The following ADAMTS5 variants were observed in gnomAD, a reference collection of about 807,000 sequenced individuals.
ADAMTS5 encodes A disintegrin and metalloproteinase with thrombospondin motifs 5.
A neutral mutation model predicts 81.4 loss-of-function variants in ADAMTS5; 54 were observed. That is an observed-to-expected ratio of 0.66 (90% CI 0.53 to 0.83). ADAMTS5 has a LOEUF of 0.83. Ranked by LOEUF, ADAMTS5 falls within the 40% of genes least tolerant of loss-of-function variation. The probability of loss-of-function intolerance (pLI) is 0.00; values close to 1 mark genes in which losing one functional copy is unlikely to be tolerated. For synonymous variants in ADAMTS5, 532 were observed against 508.8 expected (o/e 1.05, Z -0.61); for missense variants, 1,194 against 1,229.9 (o/e 0.97, Z 0.44).
chr21:26,932,311 C>A, intron 5 of ADAMTS5, 132 bp from the exon 6 acceptor site: 1 of 864,084 alleles, frequency 1.2e-6, no homozygotes, highest in Non-Finnish European at 1.7e-6. Flanking sequence ...CTTTACTCAC[C>A]AATGCTGATG....
In ADAMTS5 at chr21:26,954,817, T is replaced by G. The variant is rs1987391512; in HGVS notation, c.1159A>C (p.Ile387Leu). The change falls in exon 2 of 8, where the codon ATA becomes CTA. Residue 387 changes from isoleucine to leucine, a missense_variant. Coordinates refer to ENST00000284987, the MANE Select transcript of ADAMTS5 (RefSeq NM_007038.5). ...GCACAGCTGCGCTCTGGAGAACATA[T>G]GGTCCCAACGTCTGCCATTCCCAGG... Reference protein sequence around the residue: ...DTLGMADVGTICSPERSCAVI... With the variant: ...DTLGMADVGTLCSPERSCAVI... 6.2e-7 allele frequency: 1 copy of G among 1,614,012 alleles called. No individual in the cohort carries two copies. The highest frequency in any genetic ancestry group is 1.1e-5 in the South Asian group (1 of 91,088).
chr21:26,927,336 G>GT (rs1288632444), intron 7 of ADAMTS5, among the ~76,000 whole-genome samples: 1 of 152,202 alleles, frequency 6.6e-6, no homozygotes, highest in African/African-American at 2.4e-5. Flanking sequence ...ACGGAGTAAG[G>GT]TAAGAAGTTG....
Position 26,923,957 on chromosome 21 carries a change from A to G in ADAMTS5, c.*96T>C. On this transcript the variant is annotated 3_prime_UTR_variant, in exon 8 of 8. Coordinates refer to ENST00000284987, the MANE Select transcript of ADAMTS5 (RefSeq NM_007038.5). The stretch of plus-strand genomic sequence containing the variant: ...CTCCTGTTGACAATGTCACTGAAGC[A>G]TGACTTTCTGTGCGTTAGGTAGACC... The G allele has an allele frequency of 7.7e-7, 1 of 1,291,424 alleles. No individual in the cohort carries two copies. Among genetic ancestry groups the G allele is most frequent in the African/African-American group, 1.5e-5 (1 of 67,488 alleles). The allele number at this position is 1,291,424 out of a possible 1,614,324, so 80.0% of individuals were successfully genotyped here.
At chr21:26,943,594 T>C in intron 2 of ADAMTS5, 47 bp from the exon 3 acceptor site, 1 of 1,550,546 alleles carries the variant, frequency 6.4e-7, no homozygotes, top group East Asian at 2.3e-5. Flanking sequence ...GATTGTGTAT[T>C]TCTATCTTTC....
chr21:26,932,710 C>T, intron 5 of ADAMTS5, 151 bp downstream of exon 5: 5 of 676,106 alleles, frequency 7.4e-6, no homozygotes, highest in Non-Finnish European at 1.1e-5. Flanking sequence ...CAAAAAAAAA[C>T]AAACACATAG....
Position 26,966,463 on chromosome 21 carries a change from C to T in ADAMTS5, c.-72G>A. ...TATTTGTTATTTGCTATGAAGTTAA[C>T]GGGGCGGGGGATGGGGACACACACA... On this transcript the variant is annotated 5_prime_UTR_variant, in exon 1 of 8. Coordinates refer to ENST00000284987, the MANE Select transcript of ADAMTS5 (RefSeq NM_007038.5). The T allele has an allele frequency of 5.9e-6, 8 of 1,349,802 alleles. 1 individual carries two copies. The South Asian group carries it at 1.1e-4, about 18-fold the overall frequency. The allele number at this position is 1,349,802 out of a possible 1,614,324, so 83.6% of individuals were successfully genotyped here.
chr21:26,965,823 A>T lies in ADAMTS5; in HGVS notation c.569T>A (p.Leu190Gln). ...GAAGCCCTCGCGGGTGTAGACGTGC[A>T]GGATCCGTGCGGACCCATCCCCGTA... is the stretch of plus-strand genomic sequence containing the variant. ...RVYGDGSARI[L>Q]HVYTREGFSF... The change falls in exon 1 of 8, where the codon CTG (leucine) becomes CAG (glutamine). Residue 190 changes from leucine to glutamine, a missense_variant. This residue lies in a region of ADAMTS5 where 498 missense variants were observed against 412.3 expected (regional missense o/e 1.21). Transcript: ENST00000284987. The T allele has an allele frequency of 6.2e-7, 1 of 1,610,670 alleles. No individual in the cohort carries two copies. The highest frequency in any genetic ancestry group is 8.5e-7 in the Non-Finnish European group (1 of 1,178,848).
intron 1 of ADAMTS5, among the ~76,000 whole-genome samples, chr21:26,957,126 G>A (rs1290939321): frequency 6.6e-6 from 1 of 152,170 alleles, no homozygotes; most frequent in Non-Finnish European, 1.5e-5. Context: ...ATGAACATCT[G>A]AATTTCTTTG....
chr21:26,955,171 A>G (rs1987400463), intron 1 of ADAMTS5, among the ~76,000 whole-genome samples: 1 of 152,220 alleles, frequency 6.6e-6, no homozygotes, highest in Non-Finnish European at 1.5e-5. Context: ...TACGTCTCTG[A>G]TCACCTTCCC....
At position 26,932,924 on chromosome 21, in the gene ADAMTS5, G is replaced by A. The variant is rs778638196; in HGVS notation, c.1810C>T (p.Arg604Cys). 6.2e-5 allele frequency: 100 copies of A among 1,613,918 alleles called. No homozygotes were observed. The highest frequency in any genetic ancestry group is 1.6e-4 in the East Asian group (7 of 44,876). Residue 604 changes from arginine (R) to cysteine (C), a missense_variant, in exon 5 of 8, where the codon CGC (arginine) becomes TGC (cysteine). Arg to Cys is a radical substitution (Grantham distance 180). This residue lies in a region of ADAMTS5 where 696 missense variants were observed against 817.6 expected (regional missense o/e 0.85). Coordinates refer to ENST00000284987, the MANE Select transcript of ADAMTS5 (RefSeq NM_007038.5). ...CNNPAPRNNGRYCTGKRAIYR... is the reference protein window; with the variant it reads ...CNNPAPRNNGCYCTGKRAIYR... ...ATGGCCCTCTTCCCTGTGCAGTAGC[G>A]TCCGTTGTTTCTGGGAGCAGGGTTA...
chr21:26,931,139 C>T (rs1327075178), intron 6 of ADAMTS5, among the ~76,000 whole-genome samples: 1 of 152,010 alleles, frequency 6.6e-6, no homozygotes, highest in African/African-American at 2.4e-5. Context: ...CTCTGCCTCC[C>T]GAGTTCAAAT....
At chr21:26,964,799 A>T (rs1476035296) in intron 1 of ADAMTS5, among the ~76,000 whole-genome samples, 1 of 152,218 alleles carries the variant, frequency 6.6e-6, no homozygotes. Context: ...GGATTCTAGT[A>T]AAAAGGTGTG....
At chr21:26,935,186 TG>T (rs1568842331) in intron 3 of ADAMTS5, among the ~76,000 whole-genome samples, 2 of 152,198 alleles carry the variant, frequency 1.3e-5, no homozygotes, top group Non-Finnish European at 2.9e-5. Context: ...GCACTCTATC[TG>T]TATAACCCAT....
rs144392987 is a variant in ADAMTS5, at chr21:26,958,899, C to A, written c.1105-4028G>T. 9.1e-4 allele frequency among the ~76,000 whole-genome samples: 138 copies of A among 152,254 alleles called. 3 individuals carry two copies. The East Asian group carries it at 0.01, about 12-fold the overall frequency. On this transcript the variant is annotated intron_variant, in intron 1 of 7. Transcript: ENST00000284987. ...CCACGGAAGTGAGTGGATCTGATAGCCTGGGAGGAAGGATACTCTGGCAAG... is the reference window on the plus strand; with the variant it reads ...CCACGGAAGTGAGTGGATCTGATAGACTGGGAGGAAGGATACTCTGGCAAG...
chr21:26,966,210 G>T lies in ADAMTS5; in HGVS notation c.182C>A (p.Pro61Gln). The T allele has an allele frequency of 1.3e-6, 2 of 1,597,490 alleles. No individual in the cohort carries two copies. The highest frequency in any genetic ancestry group is 1.3e-5 in the African/African-American group (1 of 74,672). The change falls in exon 1 of 8, where the codon CCG becomes CAG. Residue 61 changes from proline to glutamine, a missense_variant. By Grantham distance (76) the Pro-to-Gln change is moderately conservative. This residue lies in a region of ADAMTS5 where 498 missense variants were observed against 412.3 expected (regional missense o/e 1.21). Transcript: ENST00000284987. Reference protein sequence around the residue: ...VQERAEPPGHPHPLAQRRRSK... With the variant: ...VQERAEPPGHQHPLAQRRRSK... ...CCTGCGCCGCTGCGCCAGGGGGTGC[G>T]GGTGGCCGGGAGGCTCGGCTCGCTC...
intron 1 of ADAMTS5, among the ~76,000 whole-genome samples, chr21:26,962,271 G>A (rs1404988948): frequency 2.0e-5 from 3 of 152,198 alleles, no homozygotes; most frequent in Admixed American, 6.5e-5. Flanking sequence ...AAAAGAGGAC[G>A]TCCAGAACAA....
Position 26,924,624 on chromosome 21 carries a change from G to T in ADAMTS5, c.2226-4C>A. 1 of 1,597,372 alleles carries T rather than the reference G, an allele frequency of 6.3e-7. No individual in the cohort carries two copies. The highest frequency in any genetic ancestry group is 1.1e-5 in the South Asian group (1 of 89,150). ...CACCACGTCAGTGTAACCCTTACTG[G>T]AAGTAGGAATGTTCACAGGAAGTGG... On this transcript the variant is annotated splice_region_variant and splice_polypyrimidine_tract_variant and intron_variant, in intron 7 of 7. Transcript: ENST00000284987.
intron 3 of ADAMTS5, among the ~76,000 whole-genome samples, chr21:26,934,955 A>T (rs770257413): frequency 1.1e-4 from 17 of 152,094 alleles, no homozygotes; most frequent in Non-Finnish European, 2.4e-4. Flanking sequence ...CTCAGGAGTG[A>T]TGCGCTCCGG....
chr21:26,928,751 T>C (rs1026556501), intron 7 of ADAMTS5, among the ~76,000 whole-genome samples: 3 of 151,728 alleles, frequency 2.0e-5, no homozygotes, highest in Non-Finnish European at 4.4e-5. Flanking sequence ...CTTTTTTTTT[T>C]CAAAGTGACC....
Sources: allele counts gnomAD v4.1 joint callset (sites outside exome capture counted in the v4.1 genomes callset), GRCh38; gene constraint gnomAD v4.1.1; regional missense constraint gnomAD v4.1.1; transcripts MANE v1.5; gene names NCBI Gene and HGNC (gene_info 2026-07-23, HGNC 2026-07-21).